BCKDHA: variants seen among roughly 807,000 people sequenced by gnomAD.
BCKDHA encodes branched chain keto acid dehydrogenase E1 subunit alpha.
A neutral mutation model predicts 52.2 loss-of-function variants in BCKDHA; 43 were observed. That is an observed-to-expected ratio of 0.82 (90% CI 0.64 to 1.06). BCKDHA has a LOEUF of 1.06. Ranked by LOEUF, BCKDHA falls within the 50% of genes least tolerant of loss-of-function variation. The pLI, the probability that BCKDHA is intolerant of heterozygous loss-of-function variation, is 0.00. For synonymous variants in BCKDHA, 234 were observed against 247.9 expected (o/e 0.94, Z 0.53); for missense variants, 527 against 621.3 (o/e 0.85, Z 1.61).
intron 4 of BCKDHA, among the ~76,000 whole-genome samples, chr19:41,417,095 T>G (rs978022457): frequency 6.6e-6 from 1 of 152,114 alleles, no homozygotes; most frequent in African/African-American, 2.4e-5. Context: ...CACTGCAACC[T>G]CTGCCTCTTA....
chr19:41,411,097 G>C, intron 3 of BCKDHA, 88 bp downstream of exon 3: 2 of 1,426,072 alleles, frequency 1.4e-6, no homozygotes, highest in Non-Finnish European at 2.0e-6. Flanking sequence ...CTCCCAAGGA[G>C]GACAGATTCT....
At chr19:41,413,327 G>C (rs74512011) in intron 3 of BCKDHA, among the ~76,000 whole-genome samples, 9 of 151,438 alleles carry the variant, frequency 5.9e-5, no homozygotes, top group African/African-American at 1.5e-4. Context: ...ACCTGAGTGC[G>C]TGTCTTTTTG....
At chr19:41,398,757 A>C (rs1040773505) in intron 1 of BCKDHA, among the ~76,000 whole-genome samples, 2 of 152,202 alleles carry the variant, frequency 1.3e-5, no homozygotes, top group African/African-American at 4.8e-5. Context: ...TTTGAACTAC[A>C]GTTGACAGAT....
At position 41,397,845 on chromosome 19, in the gene BCKDHA, T is replaced by C; in HGVS notation, c.18T>C (p.Ala6=). The change falls in exon 1 of 9, where the codon GCT becomes GCC. Residue 6 remains alanine (A), a synonymous_variant. Coordinates refer to ENST00000269980, the MANE Select transcript of BCKDHA (RefSeq NM_000709.4). MAVAI[A]AARVWRLNRG... is the part of the protein sequence containing the mutation. ...TAGCCAAGATGGCGGTAGCGATCGCTGCAGCGAGGGTCTGGCGGCTAAACC... is the reference window on the plus strand; with the variant it reads ...TAGCCAAGATGGCGGTAGCGATCGCCGCAGCGAGGGTCTGGCGGCTAAACC... The C allele has an allele frequency of 6.2e-7, 1 of 1,614,164 alleles. No individual in the cohort carries two copies. Among genetic ancestry groups the C allele is most frequent in the Admixed American group, 1.7e-5 (1 of 60,018 alleles).
chr19:41,418,241 G>C (rs1431354656), intron 4 of BCKDHA, among the ~76,000 whole-genome samples: 1 of 152,190 alleles, frequency 6.6e-6, no homozygotes, highest in Admixed American at 6.5e-5. Flanking sequence ...CCCGGTCTGA[G>C]TGCTTGCAGC....
At chr19:41,424,154 G>C (rs2039401964) in intron 8 of BCKDHA, among the ~76,000 whole-genome samples, 1 of 152,184 alleles carries the variant, frequency 6.6e-6, no homozygotes, top group South Asian at 2.1e-4. Flanking sequence ...GCAGCACCGT[G>C]TGTCCTGTCC....
intron 4 of BCKDHA, among the ~76,000 whole-genome samples, chr19:41,415,817 T>G (rs1246344563): frequency 1.3e-5 from 1 of 77,918 alleles, no homozygotes; most frequent in Non-Finnish European, 2.4e-5. Context: ...CCTGGCTAAT[T>G]TTTTGTATTT....
At position 41,397,842 on chromosome 19, in the gene BCKDHA, C is replaced by A. The variant is rs17173144; in HGVS notation, c.15C>A (p.Ile5=). 9 of 1,614,040 alleles carry A rather than the reference C, an allele frequency of 5.6e-6. No individual in the cohort carries two copies. The highest frequency in any genetic ancestry group is 5.3e-5 in the African/African-American group (4 of 74,952). MAVA[I]AAARVWRLNR... ...TGTTAGCCAAGATGGCGGTAGCGAT[C>A]GCTGCAGCGAGGGTCTGGCGGCTAA... Residue 5 remains isoleucine, a synonymous_variant, in exon 1 of 9, where the codon ATC becomes ATA. Coordinates refer to ENST00000269980, the MANE Select transcript of BCKDHA (RefSeq NM_000709.4).
chr19:41,412,305 T>TCATCTCA (rs1188525757), intron 3 of BCKDHA, among the ~76,000 whole-genome samples: 3 of 150,128 alleles, frequency 2.0e-5, no homozygotes, highest in Non-Finnish European at 4.4e-5. Flanking sequence ...ACCAGAAACC[T>TCATCTCA]CATCTCATCC....
At chr19:41,413,845 C>T (rs1008910869) in intron 3 of BCKDHA, among the ~76,000 whole-genome samples, 1 of 152,218 alleles carries the variant, frequency 6.6e-6, no homozygotes, top group Non-Finnish European at 1.5e-5. Context: ...GCTTCTATCA[C>T]AGCAACTCGA....
chr19:41,403,128 A>T (rs937179031), intron 1 of BCKDHA, among the ~76,000 whole-genome samples: 6 of 152,172 alleles, frequency 3.9e-5, no homozygotes. Context: ...TGTCTGTGAA[A>T]CAGGGACAGT....
chr19:41,412,572 T>C (rs1264726797), intron 3 of BCKDHA, among the ~76,000 whole-genome samples: 1 of 151,270 alleles, frequency 6.6e-6, no homozygotes, highest in Non-Finnish European at 1.5e-5. Context: ...GAGATGGGGT[T>C]TCTCCATGTT....
Position 41,424,733 on chromosome 19 carries a change from C to A in BCKDHA, c.*125C>A. ...AGTCAGCTCCCTCTAAAATACTCAG[C>A]GGCCAGGGCGGCTGCCACTCTTCAC... On this transcript the variant is annotated 3_prime_UTR_variant, in exon 9 of 9. Coordinates refer to ENST00000269980, the MANE Select transcript of BCKDHA (RefSeq NM_000709.4). 1 of 1,099,876 alleles carries A rather than the reference C, an allele frequency of 9.1e-7. No homozygotes were observed. The highest frequency in any genetic ancestry group is 1.3e-6 in the Non-Finnish European group (1 of 790,894). 68.1% of individuals were successfully genotyped at this position (1,099,876 alleles called of 1,614,324 possible).
chr19:41,399,006 GA>G (rs1393922243), intron 1 of BCKDHA, among the ~76,000 whole-genome samples: 1 of 152,144 alleles, frequency 6.6e-6, no homozygotes, highest in Non-Finnish European at 1.5e-5. Flanking sequence ...GGAAGGGACA[GA>G]AACTAACCTT....
intron 1 of BCKDHA, among the ~76,000 whole-genome samples, chr19:41,400,172 T>TC (rs772955384): frequency 2.0e-5 from 3 of 151,176 alleles, no homozygotes; most frequent in Non-Finnish European, 2.9e-5. Context: ...GCTCAAGCAA[T>TC]CCCCCCACCT....
chr19:41,405,012 CTT>C (rs1355180135), intron 1 of BCKDHA, among the ~76,000 whole-genome samples: 1 of 152,176 alleles, frequency 6.6e-6, no homozygotes, highest in African/African-American at 2.4e-5. Context: ...TTGATTATAA[CTT>C]GTGTGTTCAG....
At chr19:41,419,360 C>G (rs551487625) in intron 5 of BCKDHA, 64 bp downstream of exon 5, 1 of 1,550,400 alleles carries the variant, frequency 6.4e-7, no homozygotes, top group East Asian at 2.4e-5. Flanking sequence ...GTCCAGGCCT[C>G]AGCTCTTTTG....
intron 4 of BCKDHA, among the ~76,000 whole-genome samples, chr19:41,416,453 A>G (rs114843826): frequency 0.024 from 3,730 of 152,302 alleles, 161 homozygotes; most frequent in African/African-American, 0.085. Flanking sequence ...AACAAAGGTG[A>G]GGTCATGGGC....
At chr19:41,401,255 T>C (rs896047643) in intron 1 of BCKDHA, among the ~76,000 whole-genome samples, 2 of 151,884 alleles carry the variant, frequency 1.3e-5, no homozygotes, top group African/African-American at 4.8e-5. Flanking sequence ...TTTGTATTTT[T>C]AGTAGAGACA....
Sources: allele counts gnomAD v4.1 joint callset (sites outside exome capture counted in the v4.1 genomes callset), GRCh38; gene constraint gnomAD v4.1.1; transcripts MANE v1.5; gene names NCBI Gene and HGNC (gene_info 2026-07-23, HGNC 2026-07-21).